DMD: variants seen among roughly 807,000 people sequenced by gnomAD.
DMD encodes the protein dystrophin.
A neutral mutation model predicts 330.1 loss-of-function variants in DMD; 63 were observed. That is an observed-to-expected ratio of 0.19 (90% confidence interval 0.16 to 0.24). DMD has a LOEUF of 0.24. DMD is among the 10% of genes least tolerant of loss of function. The probability of loss-of-function intolerance (pLI) is 1.00; values close to 1 mark genes in which losing one functional copy is unlikely to be tolerated. For synonymous variants in DMD, 1,223 were observed against 959.8 expected, an observed-to-expected ratio of 1.27 and a Z score of -5.07; for missense variants, 3,344 against 2,684.1, an observed-to-expected ratio of 1.25 and a Z score of -5.43.
intron 7 of DMD, among the ~76,000 whole-genome samples, chrX:32,726,347 G>A (rs993130507): frequency 1.5e-4 from 17 of 111,229 alleles, no homozygotes; most frequent in Non-Finnish European, 3.0e-4. Flanking sequence ...AAACACACAT[G>A]TGGCAGCACA....
intron 2 of DMD, among the ~76,000 whole-genome samples, chrX:32,985,869 G>A (rs1342750340): frequency 9.0e-6 from 1 of 111,544 alleles, no homozygotes; most frequent in East Asian, 2.8e-4. Context: ...CTACAGAACT[G>A]CTTTGTCCCC....
chrX:31,896,960 T>C (rs895337913), intron 47 of DMD, among the ~76,000 whole-genome samples: 6 of 110,295 alleles, frequency 5.4e-5, no homozygotes, highest in African/African-American at 2.0e-4. Context: ...TTAGGGTACA[T>C]GTGCACATTG....
At chrX:33,033,899 A>G (rs2094161443) in intron 1 of DMD, among the ~76,000 whole-genome samples, 1 of 112,030 alleles carries the variant, frequency 8.9e-6, no homozygotes, top group Non-Finnish European at 1.9e-5. Context: ...GTTTCGAAAA[A>G]CAGCATTTTA....
intron 7 of DMD, among the ~76,000 whole-genome samples, chrX:32,745,669 A>G (rs1349259739): frequency 8.9e-6 from 1 of 112,220 alleles, no homozygotes; most frequent in African/African-American, 3.2e-5. Context: ...TGTTTCTATT[A>G]TTGGTCCAGC....
chrX:32,503,872 T>C (rs1343390924), intron 18 of DMD, among the ~76,000 whole-genome samples: 1 of 111,828 alleles, frequency 8.9e-6, no homozygotes, highest in Non-Finnish European at 1.9e-5. Context: ...AAAGGTTTTC[T>C]TAAAAATTTA....
chrX:31,348,702 T>C (rs1394946202), intron 60 of DMD, 68 bp from the exon 61 acceptor site: 4 of 937,777 alleles, frequency 4.3e-6, no homozygotes, highest in African/African-American at 1.9e-5. Context: ...AAACAATGTA[T>C]CCTTTCTGAT....
chrX:32,977,043 C>A (rs2092572034), intron 2 of DMD, among the ~76,000 whole-genome samples: 1 of 111,673 alleles, frequency 9.0e-6, no homozygotes, highest in African/African-American at 3.3e-5. Context: ...GTAATCCCAA[C>A]ACATTGGGAG....
rs779146806 is a variant in DMD at position 33,179,672 on chromosome X, T to C, written c.31+31610A>G. On this transcript the variant is annotated intron_variant, in intron 1 of 78. Coordinates refer to ENST00000357033, the MANE Select transcript of DMD (RefSeq NM_004006.3). ...TCGCGCCACTGCACTCTAGCCTGGG[T>C]GACAGAGCGAGACTCCGTCTCAAAA... 1.2e-3 allele frequency among the ~76,000 whole-genome samples: 125 copies of C among 103,074 alleles called. 1 individual carries two copies. In the East Asian group the frequency reaches 0.014, roughly 12 times the overall value. 89.5% of individuals were successfully genotyped at this position (103,074 alleles called of 115,157 possible).
At position 32,448,568 on chromosome X, in the gene DMD, A is replaced by G. The variant is rs757482211; in HGVS notation, c.3674T>C (p.Ile1225Thr). Residue 1225 changes from isoleucine (I) to threonine (T), a missense_variant, in exon 27 of 79, where the codon ATA (isoleucine) becomes ACA (threonine). Coordinates refer to ENST00000357033, the MANE Select transcript of DMD (RefSeq NM_004006.3). ...KLLTESVNSVIAQAPPVAQEA... is the reference protein window; with the variant it reads ...KLLTESVNSVTAQAPPVAQEA... Reference sequence around the variant, plus strand: ...TTGTGCTACAGGTGGAGCTTGAGCTATGACACTATTTACAGACTCAGTAAG... The same window carrying G: ...TTGTGCTACAGGTGGAGCTTGAGCTGTGACACTATTTACAGACTCAGTAAG... 5 of 1,208,768 alleles carry G rather than the reference A, an allele frequency of 4.1e-6. No homozygotes were observed. The Admixed American group carries it at 1.1e-4, about 26-fold the overall frequency.
chrX:31,523,360 T>C (rs184904937), intron 55 of DMD, among the ~76,000 whole-genome samples: 2 of 111,132 alleles, frequency 1.8e-5, no homozygotes, highest in Admixed American at 1.9e-4. Flanking sequence ...CCCCGGGACA[T>C]ACAATGGATT....
intron 60 of DMD, among the ~76,000 whole-genome samples, chrX:31,366,633 A>G (rs1452460284): frequency 9.2e-6 from 1 of 108,981 alleles, no homozygotes; most frequent in Non-Finnish European, 1.9e-5. Context: ...GTGTCTTAAA[A>G]TATTTTAGGG....
chrX:31,180,345 C>T (rs2041027748), intron 69 of DMD, 25 bp downstream of exon 69: 1 of 1,027,627 alleles, frequency 9.7e-7, no homozygotes, highest in Non-Finnish European at 1.4e-6. Context: ...AACTAACTCT[C>T]ACGTCAGGCT....
intron 48 of DMD, among the ~76,000 whole-genome samples, chrX:31,837,552 G>A (rs1172962083): frequency 8.9e-6 from 1 of 111,764 alleles, no homozygotes; most frequent in African/African-American, 3.3e-5. Flanking sequence ...TATTACAGAA[G>A]ACTTTTTGGA....
intron 1 of DMD, among the ~76,000 whole-genome samples, chrX:33,068,243 C>G (rs751459892): frequency 9.0e-6 from 1 of 111,724 alleles, no homozygotes; most frequent in South Asian, 3.7e-4. Context: ...GGGGATTCTG[C>G]TGTATTCTAG....
At chrX:32,002,423 T>C (rs920558148) in intron 44 of DMD, among the ~76,000 whole-genome samples, 2 of 111,915 alleles carry the variant, frequency 1.8e-5, no homozygotes. Context: ...CTTCTAGGAC[T>C]GAGAGAAATG....
At chrX:31,822,427 C>A (rs954692182) in intron 49 of DMD, among the ~76,000 whole-genome samples, 5 of 111,975 alleles carry the variant, frequency 4.5e-5, no homozygotes, top group Non-Finnish European at 9.4e-5. Context: ...TGCAAGAATG[C>A]AATTTATTAA....
intron 17 of DMD, among the ~76,000 whole-genome samples, chrX:32,540,652 G>A (rs921649937): frequency 3.6e-5 from 4 of 111,607 alleles, no homozygotes; most frequent in African/African-American, 9.8e-5. Context: ...TTGTATCCAC[G>A]GTATTTGCTA....
rs564117751 is a variant in DMD, at chrX:31,726,470, T to C, written c.7660+3161A>G. On this transcript the variant is annotated intron_variant, in intron 52 of 78. Transcript: ENST00000357033. ...TAGCTGATTTCTTTTTGAGCATTTC[T>C]AGAAGTTTCATGGCAATAAAAAGGA... Among the ~76,000 whole-genome samples, 9 of 112,556 alleles carry C rather than the reference T, an allele frequency of 8.0e-5. No homozygotes were observed. In the South Asian group the frequency reaches 3.3e-3, roughly 41 times the overall value.
intron 2 of DMD, among the ~76,000 whole-genome samples, chrX:32,873,328 G>T (rs749721876): frequency 9.1e-6 from 1 of 109,917 alleles, no homozygotes; most frequent in South Asian, 4.0e-4. Flanking sequence ...CAGGCATCTA[G>T]ATATGGCAGG....
Sources: gnomAD v4.1 joint callset for allele counts (sites outside exome capture counted in the v4.1 genomes callset) on GRCh38, gnomAD v4.1.1 for gene constraint, MANE v1.5 for transcripts, NCBI Gene and HGNC (gene_info 2026-07-23, HGNC 2026-07-21) for gene names.